The following XKR9 variants were observed in gnomAD, a reference collection of about 807,000 sequenced individuals.
XKR9 encodes XK related 9, also known as XK-related protein 9.
XKR9 carries 32 observed loss-of-function variants against 32.0 expected under a neutral mutation model. The observed-to-expected ratio is 1.00, with a 90% CI of 0.76 to 1.34. The LOEUF (loss-of-function observed/expected upper bound fraction) is 1.34, where lower values mean the gene tolerates loss of function less well. Among genes scored for constraint, XKR9 ranks in the 40% most tolerant of loss-of-function variants. The pLI, the probability that XKR9 is intolerant of heterozygous loss-of-function variation, is 0.00. For synonymous variants in XKR9, 168 were observed against 143.4 expected, an observed-to-expected ratio of 1.17 and a Z score of -1.22; for missense variants, 546 against 429.7, an observed-to-expected ratio of 1.27 and a Z score of -2.39.
chr8:70,752,401 G>T (rs1000374288), intron 2 of XKR9, among the ~76,000 whole-genome samples: 1 of 152,094 alleles, frequency 6.6e-6, no homozygotes, highest in African/African-American at 2.4e-5. Context: ...TTGGCTTCTG[G>T]TGAGGGCCTC....
chr8:70,707,941 C>G (rs1805777154), intron 4 of XKR9, among the ~76,000 whole-genome samples: 1 of 151,930 alleles, frequency 6.6e-6, no homozygotes, highest in Non-Finnish European at 1.5e-5. Flanking sequence ...GCATTAATGA[C>G]TAGGGTTCCA....
the XKR9 span, among the ~76,000 whole-genome samples, chr8:70,883,960 A>G: frequency 6.6e-6 from 1 of 152,200 alleles, no homozygotes; most frequent in African/African-American, 2.4e-5. Context: ...AGAAACAGCT[A>G]GACTGTCTTT....
chr8:70,857,678 A>T, the XKR9 span, among the ~76,000 whole-genome samples: 4 of 152,272 alleles, frequency 2.6e-5, no homozygotes, highest in African/African-American at 9.6e-5. Flanking sequence ...AGAATTTTAG[A>T]CCAATATCTC....
chr8:71,042,446 A>C, the XKR9 span, among the ~76,000 whole-genome samples: 2 of 152,160 alleles, frequency 1.3e-5, no homozygotes, highest in Non-Finnish European at 2.9e-5. Flanking sequence ...GATGAATTAC[A>C]TAAGCTCTCT....
chr8:70,919,428 A>G, the XKR9 span, among the ~76,000 whole-genome samples: 1 of 152,140 alleles, frequency 6.6e-6, no homozygotes, highest in African/African-American at 2.4e-5. Flanking sequence ...GGGCAAAAAT[A>G]TTATAGCAAT....
At chr8:70,779,377 A>G (rs1206132340) in intron 2 of XKR9, among the ~76,000 whole-genome samples, 1 of 152,104 alleles carries the variant, frequency 6.6e-6, no homozygotes, top group Non-Finnish European at 1.5e-5. Context: ...AGATTTTCGC[A>G]TCAATGTTCA....
the XKR9 span, among the ~76,000 whole-genome samples, chr8:71,059,571 C>G: frequency 6.6e-6 from 1 of 152,328 alleles, no homozygotes; most frequent in East Asian, 1.9e-4. Context: ...TAGTGCTATT[C>G]TCTCCCTTGA....
chr8:70,904,436 A>C, the XKR9 span, among the ~76,000 whole-genome samples: 1 of 148,394 alleles, frequency 6.7e-6, no homozygotes, highest in Non-Finnish European at 1.5e-5. Flanking sequence ...CTGGGATTAC[A>C]AACCCTGCTT....
At chr8:70,694,405 C>A (rs1418999699) in intron 3 of XKR9, among the ~76,000 whole-genome samples, 1 of 151,256 alleles carries the variant, frequency 6.6e-6, no homozygotes, top group Non-Finnish European at 1.5e-5. Flanking sequence ...GAGTGCCATC[C>A]CAGGGGGAAT....
chr8:70,863,729 A>G, the XKR9 span, among the ~76,000 whole-genome samples: 4 of 152,204 alleles, frequency 2.6e-5, no homozygotes, highest in African/African-American at 9.6e-5. Flanking sequence ...AGAAGCATGT[A>G]CCAGGGTGAC....
At chr8:70,776,149 AAG>A (rs1807517369) in intron 2 of XKR9, among the ~76,000 whole-genome samples, 1 of 152,108 alleles carries the variant, frequency 6.6e-6, no homozygotes, top group Non-Finnish European at 1.5e-5. Context: ...TATTTTCTAA[AAG>A]AGTTCTTTTT....
At chr8:70,709,561 C>G (rs558660976) in intron 4 of XKR9, among the ~76,000 whole-genome samples, 33 of 152,278 alleles carry the variant, frequency 2.2e-4, no homozygotes, top group African/African-American at 7.9e-4. Flanking sequence ...CCCCCATGGT[C>G]TCTACCCAAA....
intron 2 of XKR9, among the ~76,000 whole-genome samples, chr8:70,755,660 CA>C (rs1364100897): frequency 4.2e-5 from 6 of 144,344 alleles, no homozygotes; most frequent in Non-Finnish European, 8.9e-5. Context: ...ATCGGAAGGA[CA>C]AAAAACCAAA....
the XKR9 span, among the ~76,000 whole-genome samples, chr8:70,822,339 T>G: frequency 1.3e-5 from 2 of 151,992 alleles, no homozygotes; most frequent in African/African-American, 4.8e-5. Context: ...ATTTTGTTAA[T>G]TTATCATAAT....
chr8:71,047,091 A>C, the XKR9 span, among the ~76,000 whole-genome samples: 1 of 152,342 alleles, frequency 6.6e-6, no homozygotes, highest in Non-Finnish European at 1.5e-5. Flanking sequence ...TGACGTTGTT[A>C]GATTTATATA....
chr8:70,940,576 T>C, the XKR9 span, among the ~76,000 whole-genome samples: 1 of 152,112 alleles, frequency 6.6e-6, no homozygotes, highest in South Asian at 2.1e-4. Flanking sequence ...ACAAAGAAGA[T>C]AATAAATGCT....
At chr8:70,852,176 G>A in the XKR9 span, among the ~76,000 whole-genome samples, 464 of 152,328 alleles carry the variant, frequency 3.0e-3, 1 homozygote, top group African/African-American at 0.011. Flanking sequence ...ACAAACATAT[G>A]AGAAAAAGCT....
At chr8:70,895,070 G>A in the XKR9 span, among the ~76,000 whole-genome samples, 1 of 152,158 alleles carries the variant, frequency 6.6e-6, no homozygotes, top group South Asian at 2.1e-4. Flanking sequence ...CCTCAGTTGG[G>A]CTTACTGCCT....
the XKR9 span, among the ~76,000 whole-genome samples, chr8:70,923,181 G>A: frequency 6.6e-6 from 1 of 152,210 alleles, no homozygotes; most frequent in African/African-American, 2.4e-5. Context: ...TTTGAAAATG[G>A]CTCTGGGATG....
Sources: allele counts gnomAD v4.1 joint callset (sites outside exome capture counted in the v4.1 genomes callset), GRCh38; gene constraint gnomAD v4.1.1; transcripts MANE v1.5; gene names NCBI Gene and HGNC (gene_info 2026-07-23, HGNC 2026-07-21).